The following HERC3 variants were observed in gnomAD, a reference collection of about 807,000 sequenced individuals.
HERC3 encodes HECT and RLD domain containing E3 ubiquitin protein ligase 3, also known as probable E3 ubiquitin-protein ligase HERC3.
HERC3 carries 58 observed loss-of-function variants against 129.9 expected under a neutral mutation model. The ratio of observed to expected loss-of-function variants is 0.45; its 90% CI spans 0.36 to 0.56. The LOEUF is 0.56. Ranked by LOEUF, HERC3 falls within the 20% of genes least tolerant of loss-of-function variation. HERC3 has a pLI of 0.00. For missense variants in HERC3, 835 were observed against 1,244.2 expected (o/e 0.67, Z 4.95); for synonymous variants, 430 against 451.0 (o/e 0.95, Z 0.59).
At chr4:88,564,710 T>A in the HERC3 span, among the ~76,000 whole-genome samples, 1 of 152,166 alleles carries the variant, frequency 6.6e-6, no homozygotes, top group Non-Finnish European at 1.5e-5. Flanking sequence ...TCAGTATTTT[T>A]AAGTTTCATT....
intron 23 of HERC3, chr4:88,697,533 A>C (rs747550086): frequency 6.2e-7 from 1 of 1,614,100 alleles, no homozygotes; most frequent in Admixed American, 1.7e-5. Flanking sequence ...TCACCGAATT[A>C]GGCAGGCTCT....
chr4:88,678,158 C>A (rs369170813), intron 19 of HERC3, 24 bp downstream of exon 19: 9 of 1,605,976 alleles, frequency 5.6e-6, no homozygotes, highest in African/African-American at 5.3e-5. Context: ...GGATATTCCT[C>A]TAAATACCTT....
intron 14 of HERC3, chr4:88,668,444 A>G (rs1731267976): frequency 4.2e-6 from 1 of 238,756 alleles, no homozygotes. Context: ...TGAAGTGAAC[A>G]GTTTCGGTGA....
At chr4:88,622,660 G>A (rs372427569) in intron 3 of HERC3, among the ~76,000 whole-genome samples, 2 of 152,080 alleles carry the variant, frequency 1.3e-5, no homozygotes, top group South Asian at 4.1e-4. Flanking sequence ...GCCGGGTGTG[G>A]TGGCTCACGC....
At chr4:88,525,879 T>C in the HERC3 span, among the ~76,000 whole-genome samples, 1 of 152,228 alleles carries the variant, frequency 6.6e-6, no homozygotes, top group South Asian at 2.1e-4. Flanking sequence ...TTTTAAAAGT[T>C]AGTCCCTTTT....
chr4:88,603,173 G>A lies in HERC3; in HGVS notation c.-29-2622G>A, dbSNP rs1355889068. 5.3e-5 allele frequency among the ~76,000 whole-genome samples: 8 copies of A among 150,850 alleles called. No individual in the cohort carries two copies. In the East Asian group the frequency reaches 1.6e-3, roughly 29 times the overall value. On this transcript the variant is annotated intron_variant, in intron 2 of 25. Coordinates refer to ENST00000402738, the MANE Select transcript of HERC3 (RefSeq NM_014606.3). ...TGTTTACTGGCCAGGTTCCAAACTTGCAGCCATATTACAGGCTTCAATCGC... is the reference window on the plus strand; with the variant it reads ...TGTTTACTGGCCAGGTTCCAAACTTACAGCCATATTACAGGCTTCAATCGC...
intron 12 of HERC3, among the ~76,000 whole-genome samples, chr4:88,665,762 A>G (rs947041746): frequency 6.6e-6 from 1 of 152,214 alleles, no homozygotes; most frequent in African/African-American, 2.4e-5. Context: ...GGTTACATTT[A>G]GAGATTATAA....
At chr4:88,662,190 CA>C (rs1431904217) in intron 10 of HERC3, among the ~76,000 whole-genome samples, 1 of 152,148 alleles carries the variant, frequency 6.6e-6, no homozygotes, top group Non-Finnish European at 1.5e-5. Flanking sequence ...ACCTTTACAC[CA>C]TGCCTCTACC....
the HERC3 span, among the ~76,000 whole-genome samples, chr4:88,573,765 G>C: frequency 6.6e-6 from 1 of 152,140 alleles, no homozygotes; most frequent in African/African-American, 2.4e-5. Context: ...TTTCCTAGCT[G>C]TCAGTGAAAA....
At chr4:88,591,608 A>G (rs997403140), upstream of HERC3, among the ~76,000 whole-genome samples, 5 of 152,158 alleles carry the variant, frequency 3.3e-5, no homozygotes, top group Non-Finnish European at 7.4e-5. Context: ...GGGCAGACAC[A>G]TGAAGTCACC....
chr4:88,575,722 G>A, the HERC3 span, among the ~76,000 whole-genome samples: 4 of 152,054 alleles, frequency 2.6e-5, no homozygotes, highest in East Asian at 7.7e-4. Flanking sequence ...ATTTGAAATG[G>A]GAATCTTAGA....
chr4:88,641,381 C>G (rs1424291815), intron 3 of HERC3, among the ~76,000 whole-genome samples: 2 of 151,988 alleles, frequency 1.3e-5, no homozygotes, highest in Admixed American at 1.3e-4. Context: ...ATAATTTAAG[C>G]CTTCACTTAT....
At chr4:88,538,182 C>T in the HERC3 span, among the ~76,000 whole-genome samples, 67 of 152,252 alleles carry the variant, frequency 4.4e-4, no homozygotes, top group African/African-American at 1.5e-3. Context: ...TTAAACTATT[C>T]TTTCAAATGG....
chr4:88,650,827 A>G (rs1278116161), intron 4 of HERC3, among the ~76,000 whole-genome samples: 1 of 152,226 alleles, frequency 6.6e-6, no homozygotes, highest in Non-Finnish European at 1.5e-5. Flanking sequence ...TGCCTATCAC[A>G]TACATTGCTG....
intron 23 of HERC3, among the ~76,000 whole-genome samples, chr4:88,694,201 G>A (rs372942707): frequency 2.0e-5 from 3 of 152,214 alleles, no homozygotes; most frequent in East Asian, 3.9e-4. Flanking sequence ...AGTGCTGCAG[G>A]TTCAGGAACA....
the HERC3 span, among the ~76,000 whole-genome samples, chr4:88,537,501 A>G: frequency 6.6e-6 from 1 of 152,210 alleles, no homozygotes; most frequent in African/African-American, 2.4e-5. Flanking sequence ...AGTGCATCCT[A>G]CCAAGAATTA....
At chr4:88,579,226 A>ATATATATATAT in the HERC3 span, among the ~76,000 whole-genome samples, 281 of 93,926 alleles carry the variant, frequency 3.0e-3, 1 homozygote, top group African/African-American at 0.026. Context: ...TACTAAAAAA[A>ATATATATATAT]AAAAAAATAT....
the HERC3 span, among the ~76,000 whole-genome samples, chr4:88,581,496 G>A: frequency 6.6e-6 from 1 of 151,678 alleles, no homozygotes; most frequent in African/African-American, 2.4e-5. Context: ...AGTAGAGACA[G>A]GGTTTTGCCA....
At chr4:88,573,404 T>C in the HERC3 span, among the ~76,000 whole-genome samples, 388 of 152,340 alleles carry the variant, frequency 2.5e-3, 6 homozygotes, top group East Asian at 0.022. Context: ...ATTAGAAATA[T>C]GCACAACATA....
Sources: gnomAD v4.1 joint callset for allele counts (sites outside exome capture counted in the v4.1 genomes callset) on GRCh38, gnomAD v4.1.1 for gene constraint, MANE v1.5 for transcripts, NCBI Gene and HGNC (gene_info 2026-07-23, HGNC 2026-07-21) for gene names.